The following RBFOX1 variants were observed in gnomAD, a reference collection of about 807,000 sequenced individuals.
The protein encoded by RBFOX1 is RNA binding protein fox-1 homolog 1.
In RBFOX1, 8 loss-of-function variants were observed where a neutral mutation model predicts 57.7. The observed-to-expected ratio is 0.14, with a 90% confidence interval of 0.08 to 0.25. The LOEUF is 0.25. Among genes scored for constraint, RBFOX1 ranks in the 10% least tolerant of loss-of-function variants. The pLI is 1.00. For synonymous variants in RBFOX1, 326 were observed against 222.4 expected (o/e 1.47, Z -4.15); for missense variants, 611 against 548.5 (o/e 1.11, Z -1.14).
intron 2 of RBFOX1, among the ~76,000 whole-genome samples, chr16:5,568,872 G>C (rs1299899721): frequency 6.6e-6 from 1 of 152,130 alleles, no homozygotes; most frequent in Admixed American, 6.5e-5. Flanking sequence ...ATGGAGTCTT[G>C]CTCTGTTGCC....
At chr16:6,730,452 TTA>T (rs2068272166) in intron 3 of RBFOX1, among the ~76,000 whole-genome samples, 1 of 151,978 alleles carries the variant, frequency 6.6e-6, no homozygotes, top group African/African-American at 2.4e-5. Flanking sequence ...ATTTATCAAA[TTA>T]TCTAATCTAT....
At chr16:5,900,847 C>T (rs72769084) in intron 4 of RBFOX1, among the ~76,000 whole-genome samples, 10,209 of 152,220 alleles carry the variant, frequency 0.067, 422 homozygotes, top group Admixed American at 0.086. Context: ...AGCTCCCTCC[C>T]GGCCCCAGAG....
intron 4 of RBFOX1, among the ~76,000 whole-genome samples, chr16:5,994,869 C>T (rs770699192): frequency 6.6e-6 from 1 of 152,178 alleles, no homozygotes; most frequent in African/African-American, 2.4e-5. Flanking sequence ...TACATATCTA[C>T]GAATTGAGTG....
At chr16:7,437,258 C>CTG (rs1555451116) in intron 4 of RBFOX1, among the ~76,000 whole-genome samples, 2 of 150,684 alleles carry the variant, frequency 1.3e-5, no homozygotes, top group Non-Finnish European at 3.0e-5. Flanking sequence ...TTGCCCCCCC[C>CTG]CCCTTTCTGT....
intron 2 of RBFOX1, among the ~76,000 whole-genome samples, chr16:6,317,895 C>T (rs2081303331): frequency 6.6e-6 from 1 of 152,104 alleles, no homozygotes; most frequent in Non-Finnish European, 1.5e-5. Context: ...CAAGATGTAG[C>T]TTCCTTCATA....
intron 1 of RBFOX1, among the ~76,000 whole-genome samples, chr16:5,346,176 G>A (rs1247396080): frequency 3.9e-5 from 6 of 152,106 alleles, no homozygotes; most frequent in African/African-American, 1.2e-4. Context: ...GGGGAGTTTC[G>A]ATCCTACAGC....
intron 3 of RBFOX1, among the ~76,000 whole-genome samples, chr16:6,694,575 C>G (rs1359470980): frequency 1.3e-5 from 2 of 151,824 alleles, no homozygotes; most frequent in Non-Finnish European, 2.9e-5. Flanking sequence ...GGCCTCTTTA[C>G]TGGCTTGGGT....
intron 2 of RBFOX1, among the ~76,000 whole-genome samples, chr16:6,410,202 G>A (rs1211376506): frequency 7.0e-6 from 1 of 143,108 alleles, no homozygotes; most frequent in African/African-American, 2.5e-5. Context: ...GTGTGTGTGT[G>A]TGCTGGTGCA....
At chr16:5,934,550 C>A (rs1018561050) in intron 4 of RBFOX1, among the ~76,000 whole-genome samples, 1 of 152,098 alleles carries the variant, frequency 6.6e-6, no homozygotes, top group Admixed American at 6.5e-5. Context: ...GAGACTGAGG[C>A]CTGCAGTATG....
At chr16:7,667,590 A>C (rs558760042) in intron 13 of RBFOX1, among the ~76,000 whole-genome samples, 13 of 152,364 alleles carry the variant, frequency 8.5e-5, no homozygotes, top group African/African-American at 2.9e-4. Context: ...CGTTAAAAGT[A>C]GTACACAATA....
chr16:7,311,399 A>T (rs1176692446), intron 4 of RBFOX1, among the ~76,000 whole-genome samples: 1 of 151,926 alleles, frequency 6.6e-6, no homozygotes, highest in Admixed American at 6.6e-5. Context: ...AAGTAGAAGC[A>T]ACTGTAGGAT....
intron 4 of RBFOX1, among the ~76,000 whole-genome samples, chr16:5,920,641 C>G (rs2058800877): frequency 6.6e-6 from 1 of 152,120 alleles, no homozygotes; most frequent in Non-Finnish European, 1.5e-5. Flanking sequence ...GGCCAAAAGA[C>G]CTTGTCCAAA....
At chr16:5,689,650 T>G (rs897587494) in intron 3 of RBFOX1, among the ~76,000 whole-genome samples, 6 of 152,142 alleles carry the variant, frequency 3.9e-5, no homozygotes, top group African/African-American at 1.4e-4. Flanking sequence ...AATTTCTGCG[T>G]TATGGTCACA....
chr16:7,129,998 T>G (rs1251854920), intron 4 of RBFOX1, among the ~76,000 whole-genome samples: 1 of 151,894 alleles, frequency 6.6e-6, no homozygotes, highest in African/African-American at 2.4e-5. Context: ...TACTTCCATC[T>G]ATACCTGGCC....
At chr16:7,262,834 C>T (rs1263533232) in intron 4 of RBFOX1, among the ~76,000 whole-genome samples, 1 of 152,216 alleles carries the variant, frequency 6.6e-6, no homozygotes, top group Admixed American at 6.5e-5. Flanking sequence ...GTGGCTGACT[C>T]AGATGTGGGG....
chr16:6,918,656 G>C (rs571008485), intron 3 of RBFOX1, among the ~76,000 whole-genome samples: 7 of 152,202 alleles, frequency 4.6e-5, no homozygotes, highest in African/African-American at 9.6e-5. Flanking sequence ...GCTTGTCACT[G>C]AGTGTCCTAC....
chr16:6,695,612 T>G (rs529248687), intron 3 of RBFOX1, among the ~76,000 whole-genome samples: 1 of 152,160 alleles, frequency 6.6e-6, no homozygotes, highest in Non-Finnish European at 1.5e-5. Context: ...ATATTTTCAC[T>G]TGGAATCTTC....
chr16:5,968,330 C>T (rs1407045848), intron 4 of RBFOX1, among the ~76,000 whole-genome samples: 2 of 152,180 alleles, frequency 1.3e-5, no homozygotes, highest in East Asian at 3.9e-4. Context: ...CCGCCTCAGC[C>T]TCCCCAAGTG....
intron 2 of RBFOX1, among the ~76,000 whole-genome samples, chr16:6,394,729 G>C (rs1430221956): frequency 1.3e-5 from 2 of 151,820 alleles, no homozygotes; most frequent in Non-Finnish European, 2.9e-5. Flanking sequence ...TACTCCACCA[G>C]TCCTCTGTGA....
Sources: gnomAD v4.1 joint callset for allele counts (sites outside exome capture counted in the v4.1 genomes callset) on GRCh38, gnomAD v4.1.1 for gene constraint, MANE v1.5 for transcripts, NCBI Gene and HGNC (gene_info 2026-07-23, HGNC 2026-07-21) for gene names.